Variants in SKAP2 observed in about 807,000 individuals in gnomAD.
The protein encoded by SKAP2 is src kinase-associated phosphoprotein 2.
Under a neutral mutation model 54.9 loss-of-function variants are expected in SKAP2, and 28 were observed. The ratio of observed to expected loss-of-function variants is 0.51; its 90% CI spans 0.38 to 0.70. The LOEUF (loss-of-function observed/expected upper bound fraction) is 0.70, where lower values mean the gene tolerates loss of function less well. SKAP2 is among the 30% of genes least tolerant of loss of function. The pLI is 0.00. For missense variants in SKAP2, 356 were observed against 424.1 expected, an observed-to-expected ratio of 0.84 and a Z score of 1.41; for synonymous variants, 137 against 134.3, an observed-to-expected ratio of 1.02 and a Z score of -0.14.
chr7:26,708,344 G>A (rs1256858456), intron 9 of SKAP2, among the ~76,000 whole-genome samples: 1 of 152,026 alleles, frequency 6.6e-6, no homozygotes, highest in Non-Finnish European at 1.5e-5. Context: ...ACTTCCTTTG[G>A]AAAGTCTTTT....
chr7:26,844,956 T>A (rs1476456448), intron 3 of SKAP2, among the ~76,000 whole-genome samples: 13 of 152,162 alleles, frequency 8.5e-5, no homozygotes, highest in Admixed American at 8.5e-4. Context: ...TTCCATATAA[T>A]CATTTAAAAT....
chr7:26,849,096 G>T (rs1199862167), intron 3 of SKAP2, among the ~76,000 whole-genome samples: 2 of 152,102 alleles, frequency 1.3e-5, no homozygotes, highest in Non-Finnish European at 2.9e-5. Flanking sequence ...TCGTTCAACA[G>T]AAAACACACT....
intron 6 of SKAP2, among the ~76,000 whole-genome samples, chr7:26,731,566 T>C (rs1787824482): frequency 6.6e-6 from 1 of 152,204 alleles, no homozygotes; most frequent in African/African-American, 2.4e-5. Flanking sequence ...TTTAGTTCAT[T>C]TTCAAAACTG....
chr7:26,660,371 A>G, the SKAP2 span, among the ~76,000 whole-genome samples: 1 of 152,248 alleles, frequency 6.6e-6, no homozygotes, highest in African/African-American at 2.4e-5. Flanking sequence ...TCCAATAACA[A>G]AATATTCAGG....
intron 6 of SKAP2, 98 bp from the exon 7 acceptor site, chr7:26,727,104 T>G (rs554281650): frequency 2.0e-6 from 2 of 1,004,934 alleles, no homozygotes; most frequent in South Asian, 3.8e-5. Flanking sequence ...GAAATAACAT[T>G]TTTTGGTCAT....
intron 4 of SKAP2, among the ~76,000 whole-genome samples, chr7:26,744,743 C>T (rs1393192361): frequency 6.6e-6 from 1 of 151,934 alleles, no homozygotes; most frequent in African/African-American, 2.4e-5. Context: ...TACACATACA[C>T]ACACACACAC....
At chr7:26,679,517 A>C (rs1786436401) in intron 11 of SKAP2, among the ~76,000 whole-genome samples, 1 of 152,194 alleles carries the variant, frequency 6.6e-6, no homozygotes, top group African/African-American at 2.4e-5. Flanking sequence ...GAGCAAACAA[A>C]TGCAAGCACA....
intron 4 of SKAP2, among the ~76,000 whole-genome samples, chr7:26,789,620 C>T (rs374838518): frequency 5.3e-5 from 8 of 152,150 alleles, no homozygotes; most frequent in South Asian, 4.1e-4. Context: ...TTCATTTTCT[C>T]GCAAAATAAT....
intron 4 of SKAP2, among the ~76,000 whole-genome samples, chr7:26,817,511 T>A (rs910840348): frequency 6.6e-6 from 1 of 152,160 alleles, no homozygotes. Flanking sequence ...CTATGTCTCA[T>A]GCATTTTTAC....
intron 4 of SKAP2, among the ~76,000 whole-genome samples, chr7:26,757,299 GT>G: frequency 6.6e-6 from 1 of 152,112 alleles, no homozygotes. Flanking sequence ...GGTTTTTATG[GT>G]TTTAGGTCTA....
intron 4 of SKAP2, among the ~76,000 whole-genome samples, chr7:26,808,444 G>A (rs1271865479): frequency 6.6e-6 from 1 of 152,134 alleles, no homozygotes; most frequent in East Asian, 1.9e-4. Context: ...TAGAATAGAG[G>A]TTGTGGGAGC....
At chr7:26,721,674 A>C (rs1024192812) in intron 9 of SKAP2, among the ~76,000 whole-genome samples, 1 of 152,198 alleles carries the variant, frequency 6.6e-6, no homozygotes, top group Non-Finnish European at 1.5e-5. Context: ...AAAGCTACAG[A>C]TTTAATAAGT....
intron 9 of SKAP2, among the ~76,000 whole-genome samples, chr7:26,709,280 G>A (rs564876831): frequency 4.6e-5 from 7 of 152,298 alleles, no homozygotes; most frequent in African/African-American, 1.4e-4. Flanking sequence ...TCTGGTATAT[G>A]AGAGAGTGTA....
At chr7:26,822,220 T>A (rs1286335564) in intron 4 of SKAP2, among the ~76,000 whole-genome samples, 1 of 152,202 alleles carries the variant, frequency 6.6e-6, no homozygotes, top group Non-Finnish European at 1.5e-5. Context: ...ACTTTACAGA[T>A]ACTGCATTTT....
chr7:26,708,715 G>T (rs2127949078), intron 9 of SKAP2, among the ~76,000 whole-genome samples: 1 of 152,172 alleles, frequency 6.6e-6, no homozygotes, highest in Admixed American at 6.5e-5. Context: ...ACTTGGCTTG[G>T]ATCTTTGTTC....
intron 8 of SKAP2, 81 bp downstream of exon 8, chr7:26,725,842 G>T: frequency 8.8e-7 from 1 of 1,135,598 alleles, no homozygotes; most frequent in Non-Finnish European, 1.3e-6. Context: ...AAGTCAATAA[G>T]CTTTTGTATA....
intron 11 of SKAP2, among the ~76,000 whole-genome samples, chr7:26,683,704 G>A (rs934706886): frequency 1.3e-5 from 2 of 152,074 alleles, no homozygotes; most frequent in African/African-American, 4.8e-5. Context: ...TCATCATTGA[G>A]ACTCATCACT....
intron 4 of SKAP2, among the ~76,000 whole-genome samples, chr7:26,842,367 AAATT>A (rs946526976): frequency 6.6e-5 from 10 of 151,736 alleles, no homozygotes; most frequent in African/African-American, 2.4e-4. Flanking sequence ...AATATATGAT[AAATT>A]ATTTACTATT....
At chr7:26,811,167 A>G (rs1162078863) in intron 4 of SKAP2, among the ~76,000 whole-genome samples, 1 of 152,168 alleles carries the variant, frequency 6.6e-6, no homozygotes, top group Non-Finnish European at 1.5e-5. Flanking sequence ...CACCAGAAAA[A>G]GATTGTAGGC....
Sources: gnomAD v4.1 joint callset for allele counts (sites outside exome capture counted in the v4.1 genomes callset) on GRCh38, gnomAD v4.1.1 for gene constraint, MANE v1.5 for transcripts, NCBI Gene and HGNC (gene_info 2026-07-23, HGNC 2026-07-21) for gene names.